Variants in EIF3J observed in about 807,000 individuals in gnomAD.
The protein encoded by EIF3J is eukaryotic translation initiation factor 3, subunit 1 (alpha, 35kD).
A neutral mutation model predicts 39.0 loss-of-function variants in EIF3J; 15 were observed. The observed-to-expected ratio is 0.38, with a 90% CI of 0.26 to 0.59. The LOEUF (loss-of-function observed/expected upper bound fraction) is 0.59, where lower values mean the gene tolerates loss of function less well. EIF3J is among the 20% of genes least tolerant of loss of function. The pLI is 0.60. For missense variants in EIF3J, 226 were observed against 308.6 expected, an observed-to-expected ratio of 0.73 and a Z score of 2.00; for synonymous variants, 98 against 112.9, an observed-to-expected ratio of 0.87 and a Z score of 0.84.
intron 2 of EIF3J, among the ~76,000 whole-genome samples, chr15:44,542,739 A>T (rs192353424): frequency 1.0e-3 from 154 of 152,366 alleles, no homozygotes; most frequent in African/African-American, 3.7e-3. Context: ...ATGGGTGTGT[A>T]TCTGCAGGGC....
chr15:44,557,674 C>T, intron 6 of EIF3J, 24 bp downstream of exon 6: 1 of 1,407,832 alleles, frequency 7.1e-7, no homozygotes, highest in South Asian at 1.8e-5. Flanking sequence ...ATTTCTAGCC[C>T]CTCTGGGTAG....
chr15:44,556,415 C>T (rs368065696), intron 5 of EIF3J, among the ~76,000 whole-genome samples: 2 of 151,988 alleles, frequency 1.3e-5, no homozygotes, highest in South Asian at 4.2e-4. Context: ...GACCATAGCT[C>T]ACTGCAGCCT....
At chr15:44,558,055 A>G (rs1236165114) in intron 6 of EIF3J, 1 of 152,434 alleles carries the variant, frequency 6.6e-6, no homozygotes, top group Non-Finnish European at 1.5e-5. Flanking sequence ...TCAGAATTAG[A>G]CAGGGTGCAA....
At chr15:44,560,463 G>T in intron 7 of EIF3J, 141 bp downstream of exon 7, 1 of 707,348 alleles carries the variant, frequency 1.4e-6, no homozygotes, top group Non-Finnish European at 2.3e-6. Context: ...TAGAAGAGGA[G>T]TATGGGTGCT....
chr15:44,552,063 C>T (rs1205993780), intron 4 of EIF3J, among the ~76,000 whole-genome samples: 3 of 151,704 alleles, frequency 2.0e-5, no homozygotes, highest in African/African-American at 7.2e-5. Flanking sequence ...CCTCGTGATC[C>T]ACCCGCCTCG....
At chr15:44,541,460 G>A (rs779706524) in intron 2 of EIF3J, among the ~76,000 whole-genome samples, 14 of 152,180 alleles carry the variant, frequency 9.2e-5, no homozygotes, top group Non-Finnish European at 1.9e-4. Flanking sequence ...AGAGGATTGC[G>A]TGAGCCTAGG....
chr15:44,537,222 G>T lies in EIF3J; in HGVS notation c.28G>T (p.Asp10Tyr), dbSNP rs757453727. 1.9e-6 allele frequency: 3 copies of T among 1,600,392 alleles called. No homozygotes were observed. The highest frequency in any genetic ancestry group is 1.7e-6 in the Non-Finnish European group (2 of 1,174,064). The change falls in exon 1 of 8, where the codon GAC becomes TAC. Residue 10 changes from aspartate to tyrosine, a missense_variant. Coordinates refer to ENST00000261868, the MANE Select transcript of EIF3J (RefSeq NM_003758.4). MAAAAAAAG[D>Y]SDSWDADAFS... ...GGCGGCGGCGGCGGCGGCGGCGGGG[G>T]ACTCGGACTCCTGGGGTGAGGAGAA... is the stretch of plus-strand genomic sequence containing the variant.
Position 44,561,244 on chromosome 15 carries a change from A to C in EIF3J, c.*95A>C. ...TCCTTTCAGTTCTGCCAAATGCTAC[A>C]ATCAGAAGTGCAGTATCTTTTGTGC... On this transcript the variant is annotated 3_prime_UTR_variant, in exon 8 of 8. Transcript: ENST00000261868. 7.1e-7 allele frequency: 1 copy of C among 1,411,754 alleles called. No individual in the cohort carries two copies. The highest frequency in any genetic ancestry group is 9.6e-7 in the Non-Finnish European group (1 of 1,041,580). The allele number at this position is 1,411,754 out of a possible 1,614,324, so 87.5% of individuals were successfully genotyped here.
At chr15:44,537,279 C>T (rs1281124229) in intron 1 of EIF3J, 42 bp downstream of exon 1, 37 of 1,566,746 alleles carry the variant, frequency 2.4e-5, no homozygotes, top group Non-Finnish European at 3.2e-5. Flanking sequence ...CCGGCGCCGG[C>T]CCCACGCAGT....
chr15:44,540,185 C>G (rs1481817115), intron 2 of EIF3J, among the ~76,000 whole-genome samples: 1 of 147,492 alleles, frequency 6.8e-6, no homozygotes, highest in Non-Finnish European at 1.5e-5. Flanking sequence ...GATCCACCCG[C>G]CTCGGCCTCC....
intron 2 of EIF3J, among the ~76,000 whole-genome samples, chr15:44,549,406 A>G (rs1419756426): frequency 6.6e-6 from 1 of 152,026 alleles, no homozygotes; most frequent in Non-Finnish European, 1.5e-5. Context: ...ACAAAACAAA[A>G]CAAAACAAAA....
intron 2 of EIF3J, among the ~76,000 whole-genome samples, chr15:44,541,637 G>A (rs1434446917): frequency 6.6e-6 from 1 of 152,142 alleles, no homozygotes; most frequent in African/African-American, 2.4e-5. Context: ...CAATTTTCAG[G>A]GGTTGGAAAC....
chr15:44,545,692 G>GT (rs562059489), intron 2 of EIF3J, among the ~76,000 whole-genome samples: 220 of 152,116 alleles, frequency 1.4e-3, no homozygotes, highest in Non-Finnish European at 2.6e-3. Flanking sequence ...TTTCTTTGTG[G>GT]TGTTAACATT....
At chr15:44,549,535 C>T (rs2082081260) in intron 2 of EIF3J, among the ~76,000 whole-genome samples, 1 of 151,692 alleles carries the variant, frequency 6.6e-6, no homozygotes, top group Admixed American at 6.6e-5. Flanking sequence ...TTCGGGAAGC[C>T]GAGGCGGGCG....
At chr15:44,547,869 A>G (rs948026532) in intron 2 of EIF3J, among the ~76,000 whole-genome samples, 12 of 152,120 alleles carry the variant, frequency 7.9e-5, no homozygotes, top group Admixed American at 2.0e-4. Context: ...TGCTTTTTAC[A>G]TTTGGGGGGA....
intron 2 of EIF3J, 75 bp downstream of exon 2, chr15:44,537,502 C>A: frequency 7.2e-7 from 1 of 1,391,246 alleles, no homozygotes; most frequent in South Asian, 1.5e-5. Flanking sequence ...GGCCCCGGGT[C>A]GCTGCCGGGG....
chr15:44,540,263 A>AT (rs2082001983), intron 2 of EIF3J, among the ~76,000 whole-genome samples: 1 of 61,506 alleles, frequency 1.6e-5, no homozygotes. Context: ...ATATATATAT[A>AT]TATATTTTTT....
At chr15:44,558,657 C>G (rs943903809) in intron 6 of EIF3J, 11 of 152,082 alleles carry the variant, frequency 7.2e-5, no homozygotes, top group African/African-American at 2.2e-4. Flanking sequence ...CCAGGCTGCT[C>G]TGGAACTCCT....
rs2082189988 is a variant in EIF3J, at chr15:44,561,080, G to A, written c.708G>A (p.Met236Ile). The A allele has an allele frequency of 1.1e-5, 18 of 1,613,784 alleles. No homozygotes were observed. Among genetic ancestry groups the A allele is most frequent in the Non-Finnish European group, 1.4e-5 (16 of 1,179,830 alleles). Residue 236 changes from methionine to isoleucine, a missense_variant, in exon 8 of 8, where the codon ATG (methionine) becomes ATA (isoleucine). Physicochemically the swap from Met to Ile is conservative, Grantham distance 10. Around this residue, in one of 2 missense-constraint regions of EIF3J, gnomAD observed 83 missense variants for 152.6 expected, o/e 0.54. Transcript: ENST00000261868. ...VVPGGGLKAT[M>I]KDDLADYGGY... ...CTGGAGGGGGATTAAAAGCCACCATGAAAGATGATCTGGCAGATTATGGTG... is the reference window on the plus strand; with the variant it reads ...CTGGAGGGGGATTAAAAGCCACCATAAAAGATGATCTGGCAGATTATGGTG...
Sources: allele counts gnomAD v4.1 joint callset (sites outside exome capture counted in the v4.1 genomes callset), GRCh38; gene constraint gnomAD v4.1.1; regional missense constraint gnomAD v4.1.1; transcripts MANE v1.5; gene names NCBI Gene and HGNC (gene_info 2026-07-23, HGNC 2026-07-21).